Variants in TLK1 observed in about 807,000 individuals in gnomAD.
TLK1 encodes the protein serine/threonine-protein kinase tousled-like 1.
In TLK1, 24 loss-of-function variants were observed where a neutral mutation model predicts 105.3. The observed-to-expected ratio is 0.23, with a 90% confidence interval of 0.17 to 0.32. TLK1 has a LOEUF of 0.32. Ranked by LOEUF, TLK1 falls within the 10% of genes least tolerant of loss-of-function variation. The pLI, the probability that TLK1 is intolerant of heterozygous loss-of-function variation, is 1.00. For missense variants in TLK1, 558 were observed against 910.5 expected (o/e 0.61, Z 4.98); for synonymous variants, 321 against 310.4 (o/e 1.03, Z -0.36).
intron 7 of TLK1, 177 bp downstream of exon 7, chr2:171,054,900 TTGTGTG>T: frequency 2.6e-6 from 1 of 379,508 alleles, no homozygotes. Flanking sequence ...TGATAGTAAA[TTGTGTG>T]TTTCAGTTTC....
intron 1 of TLK1, among the ~76,000 whole-genome samples, chr2:171,155,096 A>T (rs1394715163): frequency 6.6e-6 from 1 of 152,196 alleles, no homozygotes; most frequent in African/African-American, 2.4e-5. Context: ...TTCAAAAGAG[A>T]TCAATTTAAA....
At chr2:171,075,139 A>AGCTAAGCACTAGTGCTTAGAATAC (rs1357252751) in intron 3 of TLK1, among the ~76,000 whole-genome samples, 2 of 152,136 alleles carry the variant, frequency 1.3e-5, no homozygotes, top group South Asian at 4.1e-4. Flanking sequence ...ATAGAATCAT[A>AGCTAAGCACTAGTGCTTAGAATAC]GCTAAGCACT....
At chr2:171,222,546 A>G (rs114451115) in intron 1 of TLK1, among the ~76,000 whole-genome samples, 2,030 of 152,088 alleles carry the variant, frequency 0.013, 20 homozygotes, top group Non-Finnish European at 0.019. Context: ...TGCTCAGGCT[A>G]GTCTTGAATG....
chr2:171,116,073 T>C (rs2105527650), intron 2 of TLK1, among the ~76,000 whole-genome samples: 1 of 152,326 alleles, frequency 6.6e-6, no homozygotes, highest in Non-Finnish European at 1.5e-5. Flanking sequence ...TGGTGATGCT[T>C]ATTTCTGTTA....
At chr2:171,142,239 G>A (rs1397064689) in intron 1 of TLK1, among the ~76,000 whole-genome samples, 2 of 152,080 alleles carry the variant, frequency 1.3e-5, no homozygotes, top group Non-Finnish European at 2.9e-5. Flanking sequence ...CAGAAAAGGA[G>A]AATAAGAGAA....
At chr2:171,113,937 G>A (rs1378736570) in intron 2 of TLK1, among the ~76,000 whole-genome samples, 1 of 152,134 alleles carries the variant, frequency 6.6e-6, no homozygotes, top group Non-Finnish European at 1.5e-5. Flanking sequence ...TATTTGTAAA[G>A]ACTGATATTT....
chr2:171,014,841 A>T lies in TLK1; in HGVS notation c.1334+10T>A, dbSNP rs1269613061. On this transcript the variant is annotated intron_variant, in intron 13 of 20. Coordinates refer to ENST00000431350, the MANE Select transcript of TLK1 (RefSeq NM_012290.5). ...TAATATGAAACTGTGAAATGCAAAT[A>T]ATGACTTACTGTGAATTATCTTCAT... 2 of 1,593,938 alleles carry T rather than the reference A, an allele frequency of 1.3e-6. No individual in the cohort carries two copies. The highest frequency in any genetic ancestry group is 1.1e-5 in the South Asian group (1 of 90,490).
intron 1 of TLK1, among the ~76,000 whole-genome samples, chr2:171,189,444 A>AT (rs1216268429): frequency 2.0e-5 from 3 of 152,144 alleles, no homozygotes; most frequent in Non-Finnish European, 4.4e-5. Context: ...GGATTATGAT[A>AT]GTACAATTTT....
intron 2 of TLK1, among the ~76,000 whole-genome samples, chr2:171,090,576 C>T (rs1490061894): frequency 2.0e-5 from 3 of 152,148 alleles, no homozygotes; most frequent in African/African-American, 4.8e-5. Flanking sequence ...TTTTTTGCTA[C>T]AAAGTCATCA....
Position 170,994,057 on chromosome 2 carries a change from T to C in TLK1, c.2125-101A>G, listed in dbSNP as rs147192112. 1.9e-4 allele frequency: 238 copies of C among 1,256,078 alleles called. 1 individual carries two copies. The East Asian group carries it at 5.5e-3, about 29-fold the overall frequency. The allele number at this position is 1,256,078 out of a possible 1,614,324, so 77.8% of individuals were successfully genotyped here. On this transcript the variant is annotated intron_variant, in intron 20 of 20. Coordinates refer to ENST00000431350, the MANE Select transcript of TLK1 (RefSeq NM_012290.5). ...AGGATGGACACATTTAAGACATAAG[T>C]AGATCTCATTTTATTGGAAGTTCAA... is the stretch of plus-strand genomic sequence containing the variant.
chr2:171,210,714 T>A (rs949254764), intron 1 of TLK1, among the ~76,000 whole-genome samples: 2 of 152,160 alleles, frequency 1.3e-5, no homozygotes, highest in African/African-American at 4.8e-5. Context: ...CATCCTTATA[T>A]CTGAACCACC....
chr2:171,081,672 C>T (rs750146532), intron 3 of TLK1: 60 of 1,304,188 alleles, frequency 4.6e-5, no homozygotes, highest in Non-Finnish European at 5.7e-5. Context: ...AAAGTCCCGT[C>T]ACTTGCACAG....
intron 1 of TLK1, among the ~76,000 whole-genome samples, chr2:171,129,830 AATAACATAAC>A (rs3084410): frequency 0.024 from 3,359 of 142,662 alleles, 71 homozygotes; most frequent in African/African-American, 0.053. Flanking sequence ...TAGGTTACCA[AATAACATAAC>A]ATAACATAAC....
intron 18 of TLK1, among the ~76,000 whole-genome samples, chr2:171,001,265 C>A (rs1324695324): frequency 6.6e-6 from 1 of 152,140 alleles, no homozygotes; most frequent in Non-Finnish European, 1.5e-5. Flanking sequence ...CATAGAGTAT[C>A]ATGTGTAACG....
chr2:171,198,554 G>A (rs906870457), intron 1 of TLK1, among the ~76,000 whole-genome samples: 2 of 152,172 alleles, frequency 1.3e-5, no homozygotes, highest in Admixed American at 6.5e-5. Context: ...GTATAAAAGA[G>A]CCATTAAAAC....
chr2:171,003,937 T>C (rs1025286592), intron 18 of TLK1, among the ~76,000 whole-genome samples: 12 of 152,174 alleles, frequency 7.9e-5, no homozygotes, highest in African/African-American at 2.7e-4. Context: ...CTTCGTGACA[T>C]ACCTTTTTCT....
chr2:171,112,465 T>C (rs1225152257), intron 2 of TLK1, among the ~76,000 whole-genome samples: 1 of 152,190 alleles, frequency 6.6e-6, no homozygotes, highest in Non-Finnish European at 1.5e-5. Context: ...TAACCAGGAA[T>C]AGAAAGGCTC....
chr2:171,135,419 T>A (rs1691274060), intron 1 of TLK1, among the ~76,000 whole-genome samples: 1 of 151,832 alleles, frequency 6.6e-6, no homozygotes, highest in African/African-American at 2.4e-5. Flanking sequence ...GAGCTAGGCA[T>A]AGTGTCTGGA....
intron 1 of TLK1, among the ~76,000 whole-genome samples, chr2:171,191,998 A>C (rs950440500): frequency 3.3e-5 from 5 of 152,110 alleles, no homozygotes; most frequent in East Asian, 1.9e-4. Flanking sequence ...CTCAGAATAC[A>C]TTTTGAAAAT....
Sources: gnomAD v4.1 joint callset for allele counts (sites outside exome capture counted in the v4.1 genomes callset) on GRCh38, gnomAD v4.1.1 for gene constraint, MANE v1.5 for transcripts, NCBI Gene and HGNC (gene_info 2026-07-23, HGNC 2026-07-21) for gene names.